HECTD4: variants seen among roughly 807,000 people sequenced by gnomAD.
The protein encoded by HECTD4 is HECT domain E3 ubiquitin protein ligase 4.
Under a neutral mutation model 471.5 loss-of-function variants are expected in HECTD4, and 114 were observed. That is an observed-to-expected ratio of 0.24 (90% CI 0.21 to 0.28). The LOEUF is 0.28. Among genes scored for constraint, HECTD4 ranks in the 10% least tolerant of loss-of-function variants. HECTD4 has a pLI of 1.00. For missense variants in HECTD4, 3,866 were observed against 5,651.5 expected (o/e 0.68, Z 10.13); for synonymous variants, 2,012 against 2,256.0 (o/e 0.89, Z 3.07).
chr12:112,215,558 T>C (rs923544941), intron 48 of HECTD4, among the ~76,000 whole-genome samples: 9 of 152,202 alleles, frequency 5.9e-5, no homozygotes, highest in Admixed American at 1.3e-4. Flanking sequence ...GTTGACTGTC[T>C]ATGTGACTGA....
rs1032902451 is a variant in HECTD4 at position 112,224,335 on chromosome 12, G to A, written c.6970+2308C>T. Among the ~76,000 whole-genome samples the A allele has an allele frequency of 6.7e-5, 10 of 150,020 alleles. No homozygotes were observed. In the East Asian group the frequency reaches 1.4e-3, roughly 21 times the overall value. On this transcript the variant is annotated intron_variant, in intron 44 of 75. Coordinates refer to ENST00000682272, the MANE Select transcript of HECTD4 (RefSeq NM_001388303.1). ...GGCTGGAGTGCAGTGGCATGATCTC[G>A]GCTCACTGCAAGCTCCACCTCCCGG...
intron 29 of HECTD4, 78 bp downstream of exon 29, chr12:112,246,823 G>C (rs2033773842): frequency 7.8e-7 from 1 of 1,285,008 alleles, no homozygotes; most frequent in Non-Finnish European, 1.0e-6. Context: ...TCAAAATATA[G>C]CTGTGTGTCT....
chr12:112,354,712 A>ACACG (rs1197240626), intron 1 of HECTD4, among the ~76,000 whole-genome samples: 1 of 152,042 alleles, frequency 6.6e-6, no homozygotes, highest in Non-Finnish European at 1.5e-5. Context: ...ACACACACAC[A>ACACG]CACGCACGCA....
At position 112,346,984 on chromosome 12, in the gene HECTD4, TC is replaced by T. The variant is rs201375281; in HGVS notation, c.178-27243del. Among the ~76,000 whole-genome samples the T allele has an allele frequency of 4.2e-3, 647 of 152,290 alleles. 7 individuals are homozygous for T. Among genetic ancestry groups the T allele is most frequent in the African/African-American group, 0.014 (586 of 41,552 alleles). ...GAATTCATGTCCCTCCTAAAGGTAT[TC>T]AAAGTATTTTTGAAAACCTCTGCAC... On this transcript the variant is annotated intron_variant, in intron 1 of 75. Transcript: ENST00000682272.
At position 112,225,790 on chromosome 12, in the gene HECTD4, T is replaced by TTA. The variant is rs542254979; in HGVS notation, c.6970+852_6970+853insTA. Among the ~76,000 whole-genome samples, 37 of 152,334 alleles carry TTA rather than the reference T, an allele frequency of 2.4e-4. No homozygotes were observed. The South Asian group carries it at 6.0e-3, about 25-fold the overall frequency. ...ATTAGGAAGTTAAACACTGACTAGATATGTATATACACATATTTTTAGAGA... is the reference window on the plus strand; with the variant it reads ...ATTAGGAAGTTAAACACTGACTAGATTAATGTATATACACATATTTTTAGAGA... On this transcript the variant is annotated intron_variant, in intron 44 of 75. Coordinates refer to ENST00000682272, the MANE Select transcript of HECTD4 (RefSeq NM_001388303.1).
intron 29 of HECTD4, among the ~76,000 whole-genome samples, chr12:112,245,867 C>T (rs142981612): frequency 0.012 from 1,869 of 152,264 alleles, 43 homozygotes; most frequent in African/African-American, 0.043. Context: ...CGTGGTGGCT[C>T]ACGCCTGTAA....
chr12:112,272,460 G>C (rs559918021), intron 11 of HECTD4, among the ~76,000 whole-genome samples: 1 of 152,172 alleles, frequency 6.6e-6, no homozygotes, highest in Non-Finnish European at 1.5e-5. Context: ...CAAACACCTT[G>C]AGCCAGTAAT....
At chr12:112,333,551 A>G in intron 1 of HECTD4, among the ~76,000 whole-genome samples, 1 of 152,222 alleles carries the variant, frequency 6.6e-6, no homozygotes, top group East Asian at 1.9e-4. Context: ...TTGCCAGATT[A>G]GTATGGACAA....
chr12:112,350,951 T>TA (rs2036239120), intron 1 of HECTD4, among the ~76,000 whole-genome samples: 1 of 152,132 alleles, frequency 6.6e-6, no homozygotes, highest in Non-Finnish European at 1.5e-5. Flanking sequence ...TTAGTCTCCC[T>TA]AAAAAAGAGC....
intron 66 of HECTD4, among the ~76,000 whole-genome samples, chr12:112,175,331 G>A (rs1035403025): frequency 6.6e-6 from 1 of 152,220 alleles, no homozygotes; most frequent in Non-Finnish European, 1.5e-5. Context: ...GGTAGGTACT[G>A]AGGGAAGACC....
intron 8 of HECTD4, among the ~76,000 whole-genome samples, chr12:112,280,201 T>C (rs1175440030): frequency 1.3e-5 from 2 of 152,234 alleles, no homozygotes; most frequent in African/African-American, 4.8e-5. Flanking sequence ...TTTATAGCTG[T>C]GTAATTTATT....
chr12:112,354,634 C>A (rs1383123056), intron 1 of HECTD4, among the ~76,000 whole-genome samples: 1 of 152,002 alleles, frequency 6.6e-6, no homozygotes, highest in African/African-American at 2.4e-5. Context: ...TGCAGTGGGC[C>A]AAGATTGCGC....
intron 51 of HECTD4, 27 bp downstream of exon 51, chr12:112,208,467 C>G: frequency 6.5e-7 from 1 of 1,544,814 alleles, no homozygotes; most frequent in East Asian, 2.3e-5. Flanking sequence ...GCTGCTGAGT[C>G]CTGATCTAAG....
At position 112,192,576 on chromosome 12, in the gene HECTD4, C is replaced by T. The variant is rs1341570824; in HGVS notation, c.9276G>A (p.Arg3092=). The T allele has an allele frequency of 1.9e-6, 3 of 1,580,810 alleles. No homozygotes were observed. The highest frequency in any genetic ancestry group is 2.6e-6 in the Non-Finnish European group (3 of 1,160,616). Residue 3092 remains arginine (R), a synonymous_variant, in exon 59 of 76, where the codon AGG becomes AGA. Transcript: ENST00000682272. ...GAGACTCACCCAGTTTGATGTGGACCCTGTCTGTGGAGAGGACCACAGAGG... is the reference window on the plus strand; with the variant it reads ...GAGACTCACCCAGTTTGATGTGGACTCTGTCTGTGGAGAGGACCACAGAGG... ...QYPSVVLSTD[R]VHIKLGVSPP...
intron 32 of HECTD4, among the ~76,000 whole-genome samples, chr12:112,242,652 G>A (rs2033666842): frequency 6.6e-6 from 1 of 150,898 alleles, no homozygotes; most frequent in Non-Finnish European, 1.5e-5. Flanking sequence ...GCTCATGCCT[G>A]TAATCACAGC....
At chr12:112,307,837 A>T (rs2035294648) in intron 6 of HECTD4, among the ~76,000 whole-genome samples, 1 of 152,260 alleles carries the variant, frequency 6.6e-6, no homozygotes, top group Non-Finnish European at 1.5e-5. Flanking sequence ...AGAAAGTTGC[A>T]GTGTAAAGAG....
Position 112,167,334 on chromosome 12 carries a change from C to T in HECTD4, c.12517G>A (p.Val4173Ile), listed in dbSNP as rs367713751. The change falls in exon 72 of 76, where the codon GTC becomes ATC. Residue 4173 changes from valine (V) to isoleucine (I), a missense_variant. By Grantham distance (29) the Val-to-Ile change is conservative. Coordinates refer to ENST00000682272, the MANE Select transcript of HECTD4 (RefSeq NM_001388303.1). ...GCACTCACGCTCTCAAACTTCTTGA[C>T]GTAATTGTAGGTGAGGATATCCGCT... ...QEADILTYNY[V>I]KKFESINDET... 9.6e-5 allele frequency: 155 copies of T among 1,612,018 alleles called. No homozygotes were observed. The highest frequency in any genetic ancestry group is 2.2e-4 in the Admixed American group (13 of 59,784).
intron 44 of HECTD4, among the ~76,000 whole-genome samples, chr12:112,220,812 G>C (rs2033066415): frequency 6.6e-6 from 1 of 150,938 alleles, no homozygotes; most frequent in Non-Finnish European, 1.5e-5. Context: ...AAATAAACAA[G>C]AGATAAGAAG....
intron 7 of HECTD4, among the ~76,000 whole-genome samples, chr12:112,289,918 C>A (rs1350618185): frequency 6.6e-6 from 1 of 151,530 alleles, no homozygotes; most frequent in Admixed American, 6.6e-5. Flanking sequence ...CTCAGGTAAT[C>A]CTCCCGCTTC....
Sources: allele counts gnomAD v4.1 joint callset (sites outside exome capture counted in the v4.1 genomes callset), GRCh38; gene constraint gnomAD v4.1.1; transcripts MANE v1.5; gene names NCBI Gene and HGNC (gene_info 2026-07-23, HGNC 2026-07-21).